The following SLC4A1AP variants were observed in gnomAD, a reference collection of about 807,000 sequenced individuals.
SLC4A1AP encodes the protein kanadaptin.
SLC4A1AP carries 64 observed loss-of-function variants against 89.7 expected under a neutral mutation model. The ratio of observed to expected loss-of-function variants is 0.71; its 90% confidence interval spans 0.58 to 0.88. The LOEUF is 0.88. Among genes scored for constraint, SLC4A1AP ranks in the 40% least tolerant of loss-of-function variants. The pLI, the probability that SLC4A1AP is intolerant of heterozygous loss-of-function variation, is 0.00. For missense variants in SLC4A1AP, 931 were observed against 965.0 expected (o/e 0.96, Z 0.47); for synonymous variants, 366 against 353.3 (o/e 1.04, Z -0.40).
At chr2:27,687,422 A>C (rs1175106795) in intron 10 of SLC4A1AP, among the ~76,000 whole-genome samples, 1 of 151,924 alleles carries the variant, frequency 6.6e-6, no homozygotes, top group Non-Finnish European at 1.5e-5. Context: ...ATCTCTACAA[A>C]AAATTAAAAA....
intron 6 of SLC4A1AP, among the ~76,000 whole-genome samples, chr2:27,675,990 A>G (rs1675515050): frequency 6.6e-6 from 1 of 152,224 alleles, no homozygotes; most frequent in Admixed American, 6.5e-5. Context: ...GTTCCAAGTT[A>G]GGGCGTTCTG....
intron 12 of SLC4A1AP, 140 bp downstream of exon 12, chr2:27,688,907 T>A: frequency 5.2e-6 from 3 of 575,398 alleles, no homozygotes. Flanking sequence ...ATTCTTTGAT[T>A]TTTGTTTTTG....
At chr2:27,668,403 G>T (rs1047275101) in intron 3 of SLC4A1AP, among the ~76,000 whole-genome samples, 1 of 152,048 alleles carries the variant, frequency 6.6e-6, no homozygotes, top group Non-Finnish European at 1.5e-5. Flanking sequence ...TCCCATCTCG[G>T]CCATCCAAAG....
chr2:27,669,631 CAT>C (rs1457016734), intron 5 of SLC4A1AP, among the ~76,000 whole-genome samples: 4 of 151,928 alleles, frequency 2.6e-5, no homozygotes, highest in Non-Finnish European at 5.9e-5. Context: ...CAAATGTAGT[CAT>C]ATTAATTACA....
At position 27,694,614 on chromosome 2, in the gene SLC4A1AP, T is replaced by G. The variant is rs1314294708; in HGVS notation, c.2342-20T>G. 1.3e-6 allele frequency: 2 copies of G among 1,532,124 alleles called. No individual in the cohort carries two copies. The highest frequency in any genetic ancestry group is 8.9e-7 in the Non-Finnish European group (1 of 1,125,744). 94.9% of individuals were successfully genotyped at this position (1,532,124 alleles called of 1,614,324 possible). ...TTGGAAGAGTAAATAATGTATTTCT[T>G]TTTTTATATTCTGATCTAGGTCAAA... On this transcript the variant is annotated intron_variant, in intron 13 of 13. Transcript: ENST00000613058.
At chr2:27,673,960 T>C (rs1231404838) in intron 5 of SLC4A1AP, among the ~76,000 whole-genome samples, 1 of 151,652 alleles carries the variant, frequency 6.6e-6, no homozygotes, top group African/African-American at 2.4e-5. Context: ...ACTACCAAAG[T>C]AGACTCAGCA....
rs752227813 is a variant in SLC4A1AP, at chr2:27,688,732, G to T, written c.2236G>T (p.Glu746Ter). Residue 746 changes from glutamate (E) to a stop codon, truncating the protein, a stop_gained, in exon 12 of 14, where the codon GAA becomes TAA. Coordinates refer to ENST00000613058, the Ensembl canonical transcript of SLC4A1AP. LOFTEE classifies it high-confidence loss of function. ...GAATGAATATGAGAAAAGCAGAGGT[G>T]AATTGAAGAAAAAGAAAACACCTGG... 6.2e-7 allele frequency: 1 copy of T among 1,603,380 alleles called. No homozygotes were observed. Among genetic ancestry groups the T allele is most frequent in the Non-Finnish European group, 8.5e-7 (1 of 1,177,066 alleles).
chr2:27,687,834 T>C (rs1310038229), intron 10 of SLC4A1AP, 100 bp from the exon 11 acceptor site: 19 of 788,468 alleles, frequency 2.4e-5, no homozygotes, highest in Non-Finnish European at 3.8e-5. Context: ...ACTGGATGAT[T>C]ATGTACTTAG....
Position 27,664,020 on chromosome 2 carries a change from C to T in SLC4A1AP, c.268C>T (p.Pro90Ser), listed in dbSNP as rs767673576. 3.7e-6 allele frequency: 6 copies of T among 1,614,226 alleles called. No individual in the cohort carries two copies. In the East Asian group the frequency reaches 8.9e-5, roughly 24 times the overall value. ...GTCCCCAGCGGCGCGGAGTAAGGCCCCGGCCAGCAGTTCTTCAAACCCTGA... is the reference window on the plus strand; with the variant it reads ...GTCCCCAGCGGCGCGGAGTAAGGCCTCGGCCAGCAGTTCTTCAAACCCTGA... Residue 90 changes from proline (P) to serine (S), a missense_variant, in exon 1 of 14, where the codon CCG (proline) becomes TCG (serine). Physicochemically the swap from Pro to Ser is moderately conservative, Grantham distance 74. Transcript: ENST00000613058.
At chr2:27,674,172 C>A (rs1170248525) in intron 5 of SLC4A1AP, among the ~76,000 whole-genome samples, 1 of 152,104 alleles carries the variant, frequency 6.6e-6, no homozygotes, top group African/African-American at 2.4e-5. Flanking sequence ...AGCCTCTTTG[C>A]CCCATCTCTA....
chr2:27,665,115 C>G (rs375002256), exon 2 of SLC4A1AP: 7 of 1,610,740 alleles, frequency 4.3e-6, no homozygotes, highest in Non-Finnish European at 5.1e-6. Flanking sequence ...AGAGGAAGAC[C>G]GAGAGGCAGA....
chr2:27,688,203 C>T lies in SLC4A1AP; in HGVS notation c.2203+183C>T, dbSNP rs1675735507. Among the ~76,000 whole-genome samples the T allele has an allele frequency of 2.0e-5, 3 of 152,272 alleles. No homozygotes were observed. In the South Asian group the frequency reaches 6.2e-4, roughly 32 times the overall value. On this transcript the variant is annotated intron_variant, in intron 11 of 13. Transcript: ENST00000613058. ...TTGTATTTGGTGCCATCCCATTTGC[C>T]TTTCTTTTACTCCTCTTCCACCTTC... is the stretch of plus-strand genomic sequence containing the variant.
chr2:27,679,690 C>T, intron 8 of SLC4A1AP, among the ~76,000 whole-genome samples: 1 of 151,892 alleles, frequency 6.6e-6, no homozygotes, highest in Admixed American at 6.6e-5. Context: ...GATACAGAAA[C>T]ACTATCAAGA....
chr2:27,682,480 G>GGCTTGGTAT, intron 9 of SLC4A1AP, 121 bp downstream of exon 9: 1 of 601,714 alleles, frequency 1.7e-6, no homozygotes, highest in South Asian at 2.1e-5. Flanking sequence ...AAGGGCTGTG[G>GGCTTGGTAT]GCTTGGTATG....
At chr2:27,668,115 A>G (rs560131488) in intron 3 of SLC4A1AP, among the ~76,000 whole-genome samples, 1 of 151,696 alleles carries the variant, frequency 6.6e-6, no homozygotes, top group East Asian at 1.9e-4. Context: ...AGTGAAATGC[A>G]TTGAAATTTA....
intron 12 of SLC4A1AP, among the ~76,000 whole-genome samples, chr2:27,691,096 A>G (rs961553023): frequency 2.0e-5 from 3 of 152,098 alleles, no homozygotes; most frequent in African/African-American, 7.2e-5. Context: ...TTCTTTTGGA[A>G]TACTTTCAGT....
chr2:27,680,012 G>A (rs1432143109), intron 8 of SLC4A1AP, among the ~76,000 whole-genome samples: 3 of 152,076 alleles, frequency 2.0e-5, no homozygotes, highest in African/African-American at 7.2e-5. Flanking sequence ...CTTGGGTTTC[G>A]ATACCCTGTC....
intron 3 of SLC4A1AP, 131 bp downstream of exon 3, chr2:27,667,521 C>A: frequency 1.1e-6 from 1 of 879,402 alleles, no homozygotes; most frequent in Non-Finnish European, 1.6e-6. Flanking sequence ...ACTTTTTACT[C>A]TTGTGGTCAG....
At chr2:27,685,234 G>A in exon 10 of SLC4A1AP, 1 of 1,613,706 alleles carries the variant, frequency 6.2e-7, no homozygotes, top group Non-Finnish European at 8.5e-7. Flanking sequence ...AGGAAATGAG[G>A]CCTCCCACAG....
Sources: gnomAD v4.1 joint callset for allele counts (sites outside exome capture counted in the v4.1 genomes callset) on GRCh38, gnomAD v4.1.1 for gene constraint, MANE v1.5 for transcripts, NCBI Gene and HGNC (gene_info 2026-07-23, HGNC 2026-07-21) for gene names.